The following ABHD6 variants were observed in gnomAD, a reference collection of about 807,000 sequenced individuals.
The protein encoded by ABHD6 is abhydrolase domain containing 6, acylglycerol lipase, also known as monoacylglycerol lipase ABHD6.
In ABHD6, 33 loss-of-function variants were observed where a neutral mutation model predicts 38.8. The ratio of observed to expected loss-of-function variants is 0.85; its 90% CI spans 0.64 to 1.14. ABHD6 has a LOEUF of 1.14. Among genes scored for constraint, ABHD6 ranks in the 50% most tolerant of loss-of-function variants. The probability of loss-of-function intolerance (pLI) is 0.00; values close to 1 mark genes in which losing one functional copy is unlikely to be tolerated. For synonymous variants in ABHD6, 147 were observed against 161.6 expected (o/e 0.91, Z 0.69); for missense variants, 380 against 422.6 (o/e 0.90, Z 0.88).
chr3:58,258,199 C>T (rs554872543), intron 3 of ABHD6, among the ~76,000 whole-genome samples: 43 of 152,052 alleles, frequency 2.8e-4, no homozygotes, highest in Admixed American at 5.9e-4. Context: ...CCCAGCTACT[C>T]GGGAGGCTGA....
chr3:58,293,610 G>A lies in ABHD6; in HGVS notation c.859G>A (p.Asp287Asn). 3 of 1,614,166 alleles carry A rather than the reference G, an allele frequency of 1.9e-6. No homozygotes were observed. Among genetic ancestry groups the A allele is most frequent in the South Asian group, 1.1e-5 (1 of 91,078 alleles). The change falls in exon 10 of 10, where the codon GAC (aspartate) becomes AAC (asparagine). Residue 287 changes from aspartate (D) to asparagine (N), a missense_variant. By Grantham distance (23) the Asp-to-Asn change is conservative (BLOSUM62 1). Transcript: ENST00000478253. This position sits in a 1 kb window ranked among gnomAD's most constrained non-coding sequence, Gnocchi z 4.4. ...GCAGGTGCTGGATGTGTCTGGGGCA[G>A]ACATGTTGGCCAAGTCAATTGCCAA... Reference protein sequence around the residue: ...QDQVLDVSGADMLAKSIANCQ... With the variant: ...QDQVLDVSGANMLAKSIANCQ...
In ABHD6 at chr3:58,238,827, GC is replaced by G. The variant is rs548053475; in HGVS notation, c.-91+917del. On this transcript the variant is annotated intron_variant, in intron 1 of 9. Transcript: ENST00000478253. This position sits in a 1 kb window ranked among gnomAD's most constrained non-coding sequence, Gnocchi z 6.9. ...CCTGGAGGCCCTCATTTATCTCGCC[GC>G]CCCCCTCCCCGCTGCTCCCGCCTGC... is the stretch of plus-strand genomic sequence containing the variant. Among the ~76,000 whole-genome samples the G allele has an allele frequency of 4.5e-4, 69 of 152,122 alleles. No homozygotes were observed. Among genetic ancestry groups the G allele is most frequent in the African/African-American group, 1.5e-3 (64 of 41,520 alleles).
At chr3:58,288,502 C>G (rs2097459142) in intron 9 of ABHD6, among the ~76,000 whole-genome samples, 1 of 152,154 alleles carries the variant, frequency 6.6e-6, no homozygotes, top group Admixed American at 6.5e-5. Flanking sequence ...TTCTTTATGT[C>G]CCTTCTCCCT....
intron 5 of ABHD6, among the ~76,000 whole-genome samples, chr3:58,270,480 A>C (rs1409826934): frequency 6.7e-6 from 1 of 150,322 alleles, no homozygotes; most frequent in East Asian, 1.9e-4. Flanking sequence ...CAGCCTGGAC[A>C]ATATGGTGAA....
Position 58,259,077 on chromosome 3 carries a change from G to A in ABHD6, c.119+2372G>A, listed in dbSNP as rs77722857. On this transcript the variant is annotated intron_variant, in intron 3 of 9. Coordinates refer to ENST00000478253, the MANE Select transcript of ABHD6 (RefSeq NM_001320126.2). This position sits in a 1 kb window ranked among gnomAD's most constrained non-coding sequence, Gnocchi z 4.7. Reference sequence around the variant, plus strand: ...CATGGACTGCCACACACAAAACGCCGTTTTTATTAACGACATGAAATTGAA... The same window carrying A: ...CATGGACTGCCACACACAAAACGCCATTTTTATTAACGACATGAAATTGAA... Among the ~76,000 whole-genome samples the A allele has an allele frequency of 0.016, 2,501 of 152,194 alleles. 36 individuals are homozygous for A. The highest frequency in any genetic ancestry group is 0.026 in the Non-Finnish European group (1,789 of 68,018).
chr3:58,282,920 A>G (rs1368880130), intron 7 of ABHD6, among the ~76,000 whole-genome samples: 1 of 152,256 alleles, frequency 6.6e-6, no homozygotes, highest in African/African-American at 2.4e-5. Context: ...CACTGGAGCC[A>G]TCAGCAGACG....
rs2097440471 is a variant in ABHD6, at chr3:58,265,765, C to T, written c.120-1424C>T. On this transcript the variant is annotated intron_variant, in intron 3 of 9. Transcript: ENST00000478253. The surrounding 1 kb of genome is among the most constrained non-coding windows in gnomAD (Gnocchi z 4.2). ...GGCACCAATATCTGGCAAGGGCCTT[C>T]CTGCTGTGTCATCCCGTGGTGGAAG... is the stretch of plus-strand genomic sequence containing the variant. 3.3e-5 allele frequency among the ~76,000 whole-genome samples: 5 copies of T among 152,208 alleles called. No homozygotes were observed. The South Asian group carries it at 1.0e-3, about 32-fold the overall frequency.
chr3:58,245,616 T>TA (rs1212781600), intron 1 of ABHD6, among the ~76,000 whole-genome samples: 3 of 152,002 alleles, frequency 2.0e-5, no homozygotes, highest in Non-Finnish European at 4.4e-5. Context: ...CTGTCTCTAC[T>TA]AAAAATACAA....
intron 1 of ABHD6, among the ~76,000 whole-genome samples, chr3:58,246,622 C>A (rs1343919001): frequency 2.0e-5 from 3 of 152,112 alleles, no homozygotes; most frequent in Non-Finnish European, 4.4e-5. Flanking sequence ...TAATGAGAAC[C>A]CCCATGAGGA....
At chr3:58,240,623 G>A (rs1337023789) in intron 1 of ABHD6, among the ~76,000 whole-genome samples, 1 of 151,470 alleles carries the variant, frequency 6.6e-6, no homozygotes, top group African/African-American at 2.4e-5. Context: ...GGAGTGCAGT[G>A]GAGCAATCTT....
intron 2 of ABHD6, among the ~76,000 whole-genome samples, chr3:58,255,116 A>G (rs969992536): frequency 3.9e-5 from 6 of 152,176 alleles, no homozygotes; most frequent in Non-Finnish European, 5.9e-5. Flanking sequence ...TAGTGCCCCA[A>G]TGGTGTGTCA....
At chr3:58,246,213 T>A (rs562313463) in intron 1 of ABHD6, among the ~76,000 whole-genome samples, 1 of 152,340 alleles carries the variant, frequency 6.6e-6, no homozygotes, top group Admixed American at 6.5e-5. Context: ...AGCAGGAGAC[T>A]GGCTTGTATT....
intron 9 of ABHD6, among the ~76,000 whole-genome samples, chr3:58,290,660 G>T (rs1027082308): frequency 6.7e-6 from 1 of 148,830 alleles, no homozygotes; most frequent in African/African-American, 2.5e-5. Flanking sequence ...TCCCTTCTCA[G>T]ATGGGGCGGC....
rs770698927 is a variant in ABHD6, at chr3:58,274,821, G to GTGGTTGCAGCAGCGACA, written c.681+7_681+23dup. On this transcript the variant is annotated splice_region_variant and intron_variant, in intron 7 of 9. Transcript: ENST00000478253. ...GCTTCAAGGTGCCCCAGCAGGTAAC[G>GTGGTTGCAGCAGCGACA]TGGTTGCAGCAGCGACACAACTACC... 5.0e-6 allele frequency: 8 copies of GTGGTTGCAGCAGCGACA among 1,612,502 alleles called. No individual in the cohort carries two copies. The South Asian group carries it at 8.8e-5, about 18-fold the overall frequency.
rs1422715066 is a variant in ABHD6 at position 58,269,856 on chromosome 3, A to G, written c.390+422A>G. Among the ~76,000 whole-genome samples, 3 of 152,178 alleles carry G rather than the reference A, an allele frequency of 2.0e-5. No individual in the cohort carries two copies. The highest frequency in any genetic ancestry group is 2.1e-4 in the South Asian group (1 of 4,834). Reference sequence around the variant, plus strand: ...ATTGCTAGCACCTATTTTAGAATCTATCTCTAGCCTTCTCTGGCTAAGCTT... The same window carrying G: ...ATTGCTAGCACCTATTTTAGAATCTGTCTCTAGCCTTCTCTGGCTAAGCTT... On this transcript the variant is annotated intron_variant, in intron 5 of 9. Transcript: ENST00000478253. This position sits in a 1 kb window ranked among gnomAD's most constrained non-coding sequence, Gnocchi z 4.4.
chr3:58,290,837 C>T (rs985127196), intron 9 of ABHD6, among the ~76,000 whole-genome samples: 3 of 149,798 alleles, frequency 2.0e-5, no homozygotes, highest in Non-Finnish European at 3.0e-5. Flanking sequence ...CGGGAAGAGG[C>T]GCTCCTCACT....
Position 58,263,556 on chromosome 3 carries a change from C to T in ABHD6, c.120-3633C>T, listed in dbSNP as rs766456287. The stretch of plus-strand genomic sequence containing the variant: ...TAATTCCTGAATCCGGCAGTCTGGC[C>T]GCCTTCCAACCCTGTGTCTCTTCAT... On this transcript the variant is annotated intron_variant, in intron 3 of 9. Transcript: ENST00000478253. The surrounding 1 kb of genome is among the most constrained non-coding windows in gnomAD (Gnocchi z 4.9). 6.6e-6 allele frequency among the ~76,000 whole-genome samples: 1 copy of T among 152,190 alleles called. No individual in the cohort carries two copies. Among genetic ancestry groups the T allele is most frequent in the Non-Finnish European group, 1.5e-5 (1 of 68,038 alleles).
At position 58,259,969 on chromosome 3, in the gene ABHD6, C is replaced by T. The variant is rs1425286569; in HGVS notation, c.119+3264C>T. ...TGACCTTTGTGTCTGGTTTCTCTCA[C>T]TTAGCATAATGTTTTCAAGGTTCGT... On this transcript the variant is annotated intron_variant, in intron 3 of 9. Transcript: ENST00000478253. This position sits in a 1 kb window ranked among gnomAD's most constrained non-coding sequence, Gnocchi z 4.7. Among the ~76,000 whole-genome samples the T allele has an allele frequency of 6.6e-6, 1 of 152,184 alleles. No homozygotes were observed. The highest frequency in any genetic ancestry group is 2.4e-5 in the African/African-American group (1 of 41,444).
Position 58,271,032 on chromosome 3 carries a change from A to G in ABHD6, c.491A>G (p.Asp164Gly). 2 of 1,611,544 alleles carry G rather than the reference A, an allele frequency of 1.2e-6. No individual in the cohort carries two copies. Among genetic ancestry groups the G allele is most frequent in the Non-Finnish European group, 1.7e-6 (2 of 1,179,306 alleles). The change falls in exon 6 of 10, where the codon GAT becomes GGT. Residue 164 changes from aspartate to glycine, a missense_variant. Transcript: ENST00000478253. ...AGVYAAYYPSDVSSLCLVCPA... is the reference protein window; with the variant it reads ...AGVYAAYYPSGVSSLCLVCPA... ...GTGTATGCTGCTTACTACCCATCGG[A>G]TGTCTCCAGCCTGTGTCTCGTGTGT...
Sources: allele counts gnomAD v4.1 joint callset (sites outside exome capture counted in the v4.1 genomes callset), GRCh38; gene constraint gnomAD v4.1.1; non-coding constraint Gnocchi (gnomAD v3.1); transcripts MANE v1.5; gene names NCBI Gene and HGNC (gene_info 2026-07-23, HGNC 2026-07-21).